Variants in L2HGDH observed in about 807,000 individuals in gnomAD.
L2HGDH encodes the protein L-2-hydroxyglutarate dehydrogenase, also known as L-2-hydroxyglutarate dehydrogenase, mitochondrial.
Under a neutral mutation model 51.5 loss-of-function variants are expected in L2HGDH, and 34 were observed. The observed-to-expected ratio is 0.66, with a 90% CI of 0.50 to 0.88. The LOEUF (loss-of-function observed/expected upper bound fraction) is 0.88, where lower values mean the gene tolerates loss of function less well. Ranked by LOEUF, L2HGDH falls within the 40% of genes least tolerant of loss-of-function variation. The probability of loss-of-function intolerance (pLI) is 0.00; values close to 1 mark genes in which losing one functional copy is unlikely to be tolerated. For missense variants in L2HGDH, 558 were observed against 571.9 expected, an observed-to-expected ratio of 0.98 and a Z score of 0.25; for synonymous variants, 198 against 197.9, an observed-to-expected ratio of 1.00 and a Z score of -0.01.
Position 50,245,465 on chromosome 14 carries a change from A to C in L2HGDH, c.*1593T>G. 1.0e-6 allele frequency: 1 copy of C among 984,194 alleles called. No individual in the cohort carries two copies. Among genetic ancestry groups the C allele is most frequent in the Non-Finnish European group, 1.2e-6 (1 of 828,776 alleles). 61.0% of individuals were successfully genotyped at this position (984,194 alleles called of 1,614,324 possible). On this transcript the variant is annotated 3_prime_UTR_variant, in exon 10 of 10. Transcript: ENST00000267436. ...CACATCAGTTACAAAGAGACTGGAA[A>C]TAATAAAGGCTTTGAGTTTGTTTTG...
At chr14:50,302,830 G>C (rs1289070747) in intron 2 of L2HGDH, 72 bp downstream of exon 2, 1 of 1,012,322 alleles carries the variant, frequency 9.9e-7, no homozygotes, top group African/African-American at 1.6e-5. Flanking sequence ...CATTCAGCAT[G>C]AAAGATTCAC....
chr14:50,311,897 C>T lies in L2HGDH; in HGVS notation c.140+114G>A, dbSNP rs189615591. Reference sequence around the variant, plus strand: ...TCCGAGGTTGGAGTGCCACAGGACCCCAACCTGCTCTCACCCCGGGACAGG... The same window carrying T: ...TCCGAGGTTGGAGTGCCACAGGACCTCAACCTGCTCTCACCCCGGGACAGG... On this transcript the variant is annotated intron_variant, in intron 1 of 9. Transcript: ENST00000267436. The T allele has an allele frequency of 1.3e-4, 180 of 1,433,350 alleles. 1 individual carries two copies. The East Asian group carries it at 2.5e-3, about 20-fold the overall frequency. 88.8% of individuals were successfully genotyped at this position (1,433,350 alleles called of 1,614,324 possible). A position where few individuals can be genotyped will look rare whatever the true frequency, so the allele number is the denominator to read the frequency against.
chr14:50,283,946 C>G lies in L2HGDH; in HGVS notation c.628G>C (p.Gly210Arg), dbSNP rs1286021737. The change falls in exon 5 of 10, where the codon GGT (glycine) becomes CGT (arginine). Residue 210 changes from glycine to arginine, a missense_variant. Transcript: ENST00000267436. ...TCAAAATTGGTCAAGACAGAGCCACCTGCTTCTTGGAAATCCTGGGCAAAT... is the reference window on the plus strand; with the variant it reads ...TCAAAATTGGTCAAGACAGAGCCACGTGCTTCTTGGAAATCCTGGGCAAAT... ...LSFAQDFQEA[G>R]GSVLTNFEVK... The G allele has an allele frequency of 6.2e-7, 1 of 1,614,092 alleles. No individual in the cohort carries two copies. The highest frequency in any genetic ancestry group is 1.1e-5 in the South Asian group (1 of 91,080).
At chr14:50,302,512 C>T (rs2030469935) in intron 2 of L2HGDH, among the ~76,000 whole-genome samples, 1 of 152,170 alleles carries the variant, frequency 6.6e-6, no homozygotes, top group East Asian at 1.9e-4. Flanking sequence ...CGGCAATCCT[C>T]AACCAATAGA....
Position 50,245,778 on chromosome 14 carries a change from A to G in L2HGDH, c.*1280T>C. ...CCATCTTTCTCCAAAACTCTTAAAA[A>G]GCCAAATCTTCTCTAGGTCATGGTT... is the stretch of plus-strand genomic sequence containing the variant. On this transcript the variant is annotated 3_prime_UTR_variant, in exon 10 of 10. Coordinates refer to ENST00000267436, the MANE Select transcript of L2HGDH (RefSeq NM_024884.3). 1 of 985,394 alleles carries G rather than the reference A, an allele frequency of 1.0e-6. No individual in the cohort carries two copies. The highest frequency in any genetic ancestry group is 1.2e-6 in the Non-Finnish European group (1 of 829,922). 61.0% of individuals were successfully genotyped at this position (985,394 alleles called of 1,614,324 possible).
At chr14:50,249,767 A>G (rs1171634713) in intron 9 of L2HGDH, among the ~76,000 whole-genome samples, 2 of 151,996 alleles carry the variant, frequency 1.3e-5, no homozygotes, top group Non-Finnish European at 2.9e-5. Flanking sequence ...TCTGTTTGAG[A>G]AAAGCAGAGA....
Position 50,256,210 on chromosome 14 carries a change from G to A in L2HGDH, c.1197-8957C>T, listed in dbSNP as rs138151843. Among the ~76,000 whole-genome samples the A allele has an allele frequency of 2.0e-5, 3 of 152,066 alleles. No individual in the cohort carries two copies. The East Asian group carries it at 5.8e-4, about 29-fold the overall frequency. ...ATCTAGTATTTTATAAAACTCCACTGCTAATCTAAATATATAAGTCCATAC... is the reference window on the plus strand; with the variant it reads ...ATCTAGTATTTTATAAAACTCCACTACTAATCTAAATATATAAGTCCATAC... On this transcript the variant is annotated intron_variant, in intron 9 of 9. Coordinates refer to ENST00000267436, the MANE Select transcript of L2HGDH (RefSeq NM_024884.3).
intron 1 of L2HGDH, among the ~76,000 whole-genome samples, 195 bp from the exon 2 acceptor site, chr14:50,303,212 A>G (rs2030521450): frequency 1.3e-5 from 2 of 151,906 alleles, no homozygotes; most frequent in African/African-American, 4.8e-5. Context: ...TCACGAGGTC[A>G]AGAGATCGAG....
Position 50,247,018 on chromosome 14 carries a change from G to C in L2HGDH, c.*40C>G, listed in dbSNP as rs761154069. ...ATGCAATTAGTACATTCTTGTTGCT[G>C]ACATGAAGATTACAGTGCATACCTA... On this transcript the variant is annotated 3_prime_UTR_variant, in exon 10 of 10. Transcript: ENST00000267436. 9.4e-6 allele frequency: 15 copies of C among 1,594,058 alleles called. No homozygotes were observed. In the South Asian group the frequency reaches 1.7e-4, roughly 18 times the overall value.
chr14:50,278,395 TTC>T (rs1183815735), intron 6 of L2HGDH, 123 bp downstream of exon 6: 1 of 584,610 alleles, frequency 1.7e-6, no homozygotes, highest in Non-Finnish European at 3.0e-6. Flanking sequence ...CTAAAAGAAA[TTC>T]TCTCAGAATT....
rs1311941550 is a variant in L2HGDH, at chr14:50,311,998, A to G, written c.140+13T>C. 1 of 1,555,718 alleles carries G rather than the reference A, an allele frequency of 6.4e-7. No homozygotes were observed. Among genetic ancestry groups the G allele is most frequent in the Non-Finnish European group, 8.7e-7 (1 of 1,152,894 alleles). ...AGCAGCGCAGGCGGCGGGGAGGACC[A>G]GCGGCCACTCACCTGGTGCTGGCGC... On this transcript the variant is annotated intron_variant, in intron 1 of 9. Transcript: ENST00000267436.
rs1274902801 is a variant in L2HGDH at position 50,247,075 on chromosome 14, G to C, written c.1375C>G (p.Gln459Glu). The C allele has an allele frequency of 3.7e-6, 6 of 1,613,438 alleles. No homozygotes were observed. The highest frequency in any genetic ancestry group is 2.2e-5 in the East Asian group (1 of 44,882). ...TTCATTATTTATAATTCAAATCTTT[G>C]TTGTACTTCATCTGCAATCATTCCA... is the stretch of plus-strand genomic sequence containing the variant. ...ISGMIADEVQQRFEL is the reference protein window; with the variant it reads ...ISGMIADEVQERFEL Residue 459 changes from glutamine (Q) to glutamate (E), a missense_variant, in exon 10 of 10, where the codon CAA becomes GAA. Physicochemically the swap from Gln to Glu is conservative, Grantham distance 29. This residue lies in a region of L2HGDH where 321 missense variants were observed against 311.8 expected (regional missense o/e 1.03). Coordinates refer to ENST00000267436, the MANE Select transcript of L2HGDH (RefSeq NM_024884.3).
At chr14:50,307,759 T>C (rs2030815506) in intron 1 of L2HGDH, among the ~76,000 whole-genome samples, 1 of 152,224 alleles carries the variant, frequency 6.6e-6, no homozygotes, top group Admixed American at 6.5e-5. Context: ...ATTTCATCTG[T>C]AAATATTTCA....
intron 4 of L2HGDH, 29 bp from the exon 5 acceptor site, chr14:50,284,062 A>G (rs1448545321): frequency 4.4e-6 from 7 of 1,586,300 alleles, no homozygotes; most frequent in Non-Finnish European, 5.2e-6. Flanking sequence ...AAGATAACAG[A>G]TAAGAGAAAT....
At chr14:50,303,801 T>C (rs1366664681) in intron 1 of L2HGDH, among the ~76,000 whole-genome samples, 1 of 120,020 alleles carries the variant, frequency 8.3e-6, no homozygotes, top group Admixed American at 8.8e-5. Flanking sequence ...AAAAAAAAGT[T>C]AGACGCATTA....
At chr14:50,287,003 T>C (rs1288012693) in intron 4 of L2HGDH, among the ~76,000 whole-genome samples, 1 of 152,194 alleles carries the variant, frequency 6.6e-6, no homozygotes, top group Non-Finnish European at 1.5e-5. Flanking sequence ...CAAAAAACCT[T>C]TGGTTGAACC....
At position 50,283,820 on chromosome 14, in the gene L2HGDH, A is replaced by G. The variant is rs1890409613; in HGVS notation, c.703+51T>C. ...GGTTAAAACCACAGATGCAAAACCC[A>G]TGGATATGGAGGGCTGACTATATTC... is the stretch of plus-strand genomic sequence containing the variant. On this transcript the variant is annotated intron_variant, in intron 5 of 9. Transcript: ENST00000267436. The G allele has an allele frequency of 1.9e-6, 3 of 1,546,124 alleles. No individual in the cohort carries two copies. The South Asian group carries it at 3.4e-5, about 17-fold the overall frequency.
At chr14:50,252,487 G>C (rs1888421953) in intron 9 of L2HGDH, among the ~76,000 whole-genome samples, 1 of 135,810 alleles carries the variant, frequency 7.4e-6, no homozygotes, top group South Asian at 2.2e-4. Flanking sequence ...TAGAGTAGCT[G>C]AATGGATGAA....
chr14:50,292,193 T>C (rs1424539148), intron 4 of L2HGDH, among the ~76,000 whole-genome samples: 2 of 152,168 alleles, frequency 1.3e-5, no homozygotes, highest in Non-Finnish European at 2.9e-5. Context: ...GAGGGATATA[T>C]GAAGTTCAAG....
Sources: gnomAD v4.1 joint callset for allele counts (sites outside exome capture counted in the v4.1 genomes callset) on GRCh38, gnomAD v4.1.1 for gene constraint, gnomAD v4.1.1 regional missense constraint, MANE v1.5 for transcripts, NCBI Gene and HGNC (gene_info 2026-07-23, HGNC 2026-07-21) for gene names.